GDAP2: variants seen among roughly 807,000 people sequenced by gnomAD.
GDAP2 encodes the protein ganglioside induced differentiation associated protein 2.
A neutral mutation model predicts 67.0 loss-of-function variants in GDAP2; 51 were observed. That is an observed-to-expected ratio of 0.76 (90% confidence interval 0.61 to 0.96). The LOEUF (loss-of-function observed/expected upper bound fraction) is 0.96, where lower values mean the gene tolerates loss of function less well. GDAP2 is among the 40% of genes least tolerant of loss of function. The pLI is 0.00. For missense variants in GDAP2, 547 were observed against 588.3 expected, an observed-to-expected ratio of 0.93 and a Z score of 0.73; for synonymous variants, 203 against 207.3, an observed-to-expected ratio of 0.98 and a Z score of 0.18.
In GDAP2 at chr1:117,865,745, C is replaced by T. The variant is rs1014258712; in HGVS notation, c.*4824G>A. ...TCTTCCTGAACTCAGTGGTCCTATA[C>T]ATTTAAGGCATACTGTACTTGAAAA... On this transcript the variant is annotated 3_prime_UTR_variant, in exon 14 of 14. Transcript: ENST00000369443. The T allele has an allele frequency of 1.3e-5, 2 of 152,178 alleles. No homozygotes were observed. Among genetic ancestry groups the T allele is most frequent in the South Asian group, 2.1e-4 (1 of 4,824 alleles). 9.4% of individuals were successfully genotyped at this position (152,178 alleles called of 1,614,324 possible).
intron 9 of GDAP2, among the ~76,000 whole-genome samples, 171 bp from the exon 10 acceptor site, chr1:117,886,824 C>T (rs949012974): frequency 2.0e-5 from 3 of 152,086 alleles, no homozygotes; most frequent in Non-Finnish European, 1.5e-5. Flanking sequence ...CAGACAACAC[C>T]TATTTTTTAA....
At chr1:117,890,099 T>C (rs564278656) in intron 8 of GDAP2, among the ~76,000 whole-genome samples, 1 of 152,206 alleles carries the variant, frequency 6.6e-6, no homozygotes, top group South Asian at 2.1e-4. Flanking sequence ...GAAAATTAAC[T>C]TTGTAATAAG....
chr1:117,924,916 C>T (rs1650390504), intron 1 of GDAP2, among the ~76,000 whole-genome samples: 1 of 152,034 alleles, frequency 6.6e-6, no homozygotes, highest in Non-Finnish European at 1.5e-5. Flanking sequence ...GTTAAATTGC[C>T]TCATGCTCAA....
At position 117,865,851 on chromosome 1, in the gene GDAP2, C is replaced by T. The variant is rs1648037838; in HGVS notation, c.*4718G>A. Reference sequence around the variant, plus strand: ...ACTAATATCTAAAATGATCTTGATACCATCTGTTTAAGGACTAGTTCAGTA... The same window carrying T: ...ACTAATATCTAAAATGATCTTGATATCATCTGTTTAAGGACTAGTTCAGTA... On this transcript the variant is annotated 3_prime_UTR_variant, in exon 14 of 14. Coordinates refer to ENST00000369443, the MANE Select transcript of GDAP2 (RefSeq NM_017686.4). The T allele has an allele frequency of 6.6e-6, 1 of 152,096 alleles. No homozygotes were observed. The highest frequency in any genetic ancestry group is 6.6e-5 in the Admixed American group (1 of 15,254). The allele number at this position is 152,096 out of a possible 1,614,324, so 9.4% of individuals were successfully genotyped here. A position where few individuals can be genotyped will look rare whatever the true frequency, so the allele number is the denominator to read the frequency against.
At chr1:117,880,420 C>T (rs184960140) in intron 12 of GDAP2, among the ~76,000 whole-genome samples, 50 of 152,286 alleles carry the variant, frequency 3.3e-4, no homozygotes, top group African/African-American at 1.2e-3. Flanking sequence ...TGAAAAGCTT[C>T]AGCTGGCAAA....
chr1:117,896,956 A>G lies in GDAP2; in HGVS notation c.830T>C (p.Val277Ala). 6.2e-7 allele frequency: 1 copy of G among 1,611,072 alleles called. No homozygotes were observed. Among genetic ancestry groups the G allele is most frequent in the South Asian group, 1.1e-5 (1 of 90,634 alleles). The change falls in exon 8 of 14, where the codon GTT becomes GCT. Residue 277 changes from valine (V) to alanine (A), a missense_variant. By Grantham distance (64) the Val-to-Ala change is moderately conservative. Coordinates refer to ENST00000369443, the MANE Select transcript of GDAP2 (RefSeq NM_017686.4). ...ATGAGAGCCAATGAAAGAGAGATCA[A>G]CTCCCAAGCCTTCATCCTCCTCTTC... ...NQEEEDEGLG[V>A]DLSFIGSHAF...
chr1:117,912,461 T>C, intron 4 of GDAP2, 69 bp downstream of exon 4: 1 of 1,379,328 alleles, frequency 7.2e-7, no homozygotes, highest in Non-Finnish European at 9.9e-7. Context: ...AACTGGGGCC[T>C]TTATCTTTAA....
At chr1:117,893,881 T>TA (rs1649170075) in intron 8 of GDAP2, among the ~76,000 whole-genome samples, 1 of 152,116 alleles carries the variant, frequency 6.6e-6, no homozygotes. Context: ...TCATTAGAAA[T>TA]AAAAACAGAG....
At chr1:117,875,242 C>G (rs1011873671) in intron 13 of GDAP2, among the ~76,000 whole-genome samples, 6 of 152,182 alleles carry the variant, frequency 3.9e-5, no homozygotes, top group Non-Finnish European at 7.3e-5. Flanking sequence ...AGCGACAAGG[C>G]TTTAACACTT....
chr1:117,894,553 G>C (rs910201892), intron 8 of GDAP2, among the ~76,000 whole-genome samples: 32 of 152,150 alleles, frequency 2.1e-4, no homozygotes, highest in Admixed American at 5.2e-4. Context: ...CAGTTCTTGA[G>C]AACCCATCTT....
In GDAP2 at chr1:117,896,989, T is replaced by C; in HGVS notation, c.797A>G (p.Asp266Gly). The C allele has an allele frequency of 6.3e-7, 1 of 1,596,040 alleles. No individual in the cohort carries two copies. The highest frequency in any genetic ancestry group is 8.5e-7 in the Non-Finnish European group (1 of 1,170,380). ...GCCTTCATCCTCCTCTTCTTGGTTA[T>C]CTGTAACAAAAATGCAACTATCAAT... The part of the protein sequence containing the change: ...RISEKPGAPE[D>G]NQEEEDEGLG... The change falls in exon 8 of 14, where the codon GAT (aspartate) becomes GGT (glycine). Residue 266 changes from aspartate (D) to glycine (G), a missense_variant and splice_region_variant. Coordinates refer to ENST00000369443, the MANE Select transcript of GDAP2 (RefSeq NM_017686.4).
Position 117,865,843 on chromosome 1 carries a change from T to A in GDAP2, c.*4726A>T, listed in dbSNP as rs1370868103. Reference sequence around the variant, plus strand: ...AGAGAGTCACTAATATCTAAAATGATCTTGATACCATCTGTTTAAGGACTA... The same window carrying A: ...AGAGAGTCACTAATATCTAAAATGAACTTGATACCATCTGTTTAAGGACTA... On this transcript the variant is annotated 3_prime_UTR_variant, in exon 14 of 14. Transcript: ENST00000369443. The A allele has an allele frequency of 1.3e-5, 2 of 152,184 alleles. No homozygotes were observed. Among genetic ancestry groups the A allele is most frequent in the African/African-American group, 2.4e-5 (1 of 41,442 alleles). 9.4% of individuals were successfully genotyped at this position (152,184 alleles called of 1,614,324 possible).
At chr1:117,882,390 C>T (rs1422849676) in intron 11 of GDAP2, among the ~76,000 whole-genome samples, 1 of 152,064 alleles carries the variant, frequency 6.6e-6, no homozygotes, top group Non-Finnish European at 1.5e-5. Context: ...GAGCTCAGTA[C>T]TATTATTGCA....
At chr1:117,877,397 C>T (rs1423787240) in intron 13 of GDAP2, 21 of 829,954 alleles carry the variant, frequency 2.5e-5, no homozygotes, top group Non-Finnish European at 2.7e-5. Flanking sequence ...AAGTGTGTTA[C>T]TTTTTTTTTT....
At chr1:117,899,280 C>T (rs1172257713) in intron 6 of GDAP2, 64 bp from the exon 7 acceptor site, 2 of 1,103,850 alleles carry the variant, frequency 1.8e-6, no homozygotes, top group South Asian at 1.3e-5. Flanking sequence ...CTCAGCAGTA[C>T]TTAGTGCTGT....
At chr1:117,922,519 C>T (rs1430844646) in intron 1 of GDAP2, among the ~76,000 whole-genome samples, 1 of 152,128 alleles carries the variant, frequency 6.6e-6, no homozygotes, top group Admixed American at 6.5e-5. Context: ...TTTCTATTTC[C>T]CTAAGTGTTG....
intron 10 of GDAP2, among the ~76,000 whole-genome samples, chr1:117,884,813 CGTGT>C (rs35296112): frequency 0.032 from 4,744 of 147,914 alleles, 249 homozygotes; most frequent in African/African-American, 0.11. Flanking sequence ...TTATTCCCTC[CGTGT>C]GTGTGTGTGT....
Position 117,865,888 on chromosome 1 carries a change from T to C in GDAP2, c.*4681A>G, listed in dbSNP as rs1648038901. The C allele has an allele frequency of 6.6e-6, 1 of 152,202 alleles. No homozygotes were observed. The highest frequency in any genetic ancestry group is 2.1e-4 in the South Asian group (1 of 4,834). The allele number at this position is 152,202 out of a possible 1,614,324, so 9.4% of individuals were successfully genotyped here. A position where few individuals can be genotyped will look rare whatever the true frequency, so the allele number is the denominator to read the frequency against. Reference sequence around the variant, plus strand: ...GGACTAGTTCAGTAAGACTCAAAGATTGAACTAGGTTATTTATTGCTCTAT... The same window carrying C: ...GGACTAGTTCAGTAAGACTCAAAGACTGAACTAGGTTATTTATTGCTCTAT... On this transcript the variant is annotated 3_prime_UTR_variant, in exon 14 of 14. Coordinates refer to ENST00000369443, the MANE Select transcript of GDAP2 (RefSeq NM_017686.4).
chr1:117,914,501 CAG>C (rs963735498), intron 3 of GDAP2, among the ~76,000 whole-genome samples: 2 of 151,778 alleles, frequency 1.3e-5, no homozygotes, highest in African/African-American at 4.8e-5. Context: ...TCAGAGAGAA[CAG>C]AGAATACAGA....
Sources: gnomAD v4.1 joint callset for allele counts (sites outside exome capture counted in the v4.1 genomes callset) on GRCh38, gnomAD v4.1.1 for gene constraint, MANE v1.5 for transcripts, NCBI Gene and HGNC (gene_info 2026-07-23, HGNC 2026-07-21) for gene names.